IQCM: variants seen among roughly 807,000 people sequenced by gnomAD.
IQCM encodes the protein IQ domain-containing protein M.
A neutral mutation model predicts 57.6 loss-of-function variants in IQCM; 45 were observed. That is an observed-to-expected ratio of 0.78 (90% CI 0.62 to 1.00). The LOEUF (loss-of-function observed/expected upper bound fraction) is 1.00. Among genes scored for constraint, IQCM ranks in the 50% least tolerant of loss-of-function variants. The pLI is 0.00. For synonymous variants in IQCM, 148 were observed against 158.9 expected (o/e 0.93, Z 0.51); for missense variants, 468 against 511.6 (o/e 0.91, Z 0.82).
chr4:149,439,887 T>C (rs1735742064), intron 12 of IQCM, among the ~76,000 whole-genome samples: 1 of 151,870 alleles, frequency 6.6e-6, no homozygotes, highest in Non-Finnish European at 1.5e-5. Flanking sequence ...TTCACTTTGT[T>C]GGGAAGATAA....
At chr4:149,605,297 C>T (rs534828754) in intron 8 of IQCM, among the ~76,000 whole-genome samples, 8 of 152,162 alleles carry the variant, frequency 5.3e-5, no homozygotes, top group African/African-American at 1.4e-4. Context: ...TAAATTCATT[C>T]AAAAATACAC....
intron 12 of IQCM, among the ~76,000 whole-genome samples, chr4:149,508,951 T>A (rs1744120670): frequency 6.6e-6 from 1 of 152,172 alleles, no homozygotes; most frequent in African/African-American, 2.4e-5. Context: ...CGGATGGTTT[T>A]AAAAAGGGGA....
intron 12 of IQCM, among the ~76,000 whole-genome samples, chr4:149,514,205 G>T (rs1235700620): frequency 6.6e-6 from 1 of 152,134 alleles, no homozygotes; most frequent in Non-Finnish European, 1.5e-5. Flanking sequence ...TACTTGCTAG[G>T]GTTAGAGTCA....
intron 13 of IQCM, among the ~76,000 whole-genome samples, chr4:149,424,992 G>A (rs535554894): frequency 6.6e-6 from 1 of 152,022 alleles, no homozygotes; most frequent in South Asian, 2.1e-4. Flanking sequence ...TTGCTCTAGA[G>A]TTAGAATGAA....
chr4:149,481,705 T>TTTTTTTTTTTTTTTGTTTG (rs1579210811), intron 12 of IQCM, among the ~76,000 whole-genome samples: 1 of 133,150 alleles, frequency 7.5e-6, no homozygotes, highest in African/African-American at 2.8e-5. Flanking sequence ...AGTTTTGTTT[T>TTTTTTTTTTTTTTTGTTTG]TTTTTTTTTT....
At chr4:149,622,168 T>C (rs1464798206) in intron 7 of IQCM, among the ~76,000 whole-genome samples, 2 of 152,156 alleles carry the variant, frequency 1.3e-5, no homozygotes, top group African/African-American at 2.4e-5. Flanking sequence ...AAAAAGGTAA[T>C]GTTATCTCAG....
intron 13 of IQCM, among the ~76,000 whole-genome samples, chr4:149,384,393 A>C (rs1395394011): frequency 6.6e-6 from 1 of 152,104 alleles, no homozygotes; most frequent in Admixed American, 6.6e-5. Flanking sequence ...CCTTTTGTGA[A>C]GGTTTCCTGC....
chr4:149,725,681 T>C (rs1332937570), intron 5 of IQCM, among the ~76,000 whole-genome samples: 1 of 151,608 alleles, frequency 6.6e-6, no homozygotes, highest in Non-Finnish European at 1.5e-5. Flanking sequence ...AAGAGAAAAA[T>C]CCCCCAAAAG....
At chr4:149,423,190 A>G (rs1261285429) in intron 13 of IQCM, among the ~76,000 whole-genome samples, 1 of 152,056 alleles carries the variant, frequency 6.6e-6, no homozygotes, top group Admixed American at 6.6e-5. Context: ...ACAGTTCCAC[A>G]TGGCTGGGGA....
At chr4:149,458,706 G>A (rs901241925) in intron 12 of IQCM, among the ~76,000 whole-genome samples, 5 of 151,964 alleles carry the variant, frequency 3.3e-5, no homozygotes, top group East Asian at 1.9e-4. Flanking sequence ...TGTCTTAAAC[G>A]TTCTAAAAGC....
chr4:149,567,408 G>A (rs1750735364), intron 9 of IQCM, among the ~76,000 whole-genome samples: 1 of 151,884 alleles, frequency 6.6e-6, no homozygotes, highest in South Asian at 2.1e-4. Flanking sequence ...GTGCAGCAGT[G>A]CGATCTACTC....
intron 3 of IQCM, among the ~76,000 whole-genome samples, chr4:149,740,811 G>GCC (rs1224640623): frequency 2.0e-5 from 3 of 152,084 alleles, no homozygotes; most frequent in Non-Finnish European, 4.4e-5. Flanking sequence ...GAATAACAGT[G>GCC]CCTCTGTGGA....
At chr4:149,623,895 GA>G (rs1756566749) in intron 7 of IQCM, among the ~76,000 whole-genome samples, 1 of 152,092 alleles carries the variant, frequency 6.6e-6, no homozygotes, top group African/African-American at 2.4e-5. Flanking sequence ...GATTTGGAAA[GA>G]AACCAAAATG....
At chr4:149,374,058 A>G (rs1200516910) in intron 13 of IQCM, among the ~76,000 whole-genome samples, 2 of 152,164 alleles carry the variant, frequency 1.3e-5, no homozygotes, top group Non-Finnish European at 2.9e-5. Flanking sequence ...CGGCAGCAGC[A>G]ATGGCATCTT....
chr4:149,575,486 T>G (rs1475182490), intron 9 of IQCM, among the ~76,000 whole-genome samples: 1 of 151,840 alleles, frequency 6.6e-6, no homozygotes, highest in African/African-American at 2.4e-5. Context: ...TGGAAGATAA[T>G]GTCACTTTAA....
chr4:149,514,240 C>A (rs1468897822), intron 12 of IQCM, among the ~76,000 whole-genome samples: 1 of 152,056 alleles, frequency 6.6e-6, no homozygotes, highest in African/African-American at 2.4e-5. Context: ...AAATGATCTG[C>A]CCAAGTGATT....
intron 12 of IQCM, among the ~76,000 whole-genome samples, chr4:149,516,128 T>G (rs1175237660): frequency 2.0e-5 from 3 of 152,158 alleles, no homozygotes; most frequent in African/African-American, 4.8e-5. Flanking sequence ...TAGTGCCCAA[T>G]TTGCCAACAG....
In IQCM at chr4:149,808,265, C is replaced by T. The variant is rs183957295; in HGVS notation, c.-49+7046G>A. ...AATGAAATCCTGTCATTTGCAGCAA[C>T]GTGGATGGAAATGGAGGTCATTATG... On this transcript the variant is annotated intron_variant, in intron 2 of 13. Coordinates refer to ENST00000636793, the MANE Select transcript of IQCM (RefSeq NM_001363507.2). Among the ~76,000 whole-genome samples the T allele has an allele frequency of 2.5e-4, 38 of 151,970 alleles. No homozygotes were observed. The East Asian group carries it at 5.6e-3, about 22-fold the overall frequency.
At chr4:149,638,013 G>A (rs1757870421) in intron 7 of IQCM, among the ~76,000 whole-genome samples, 1 of 152,210 alleles carries the variant, frequency 6.6e-6, no homozygotes, top group Non-Finnish European at 1.5e-5. Context: ...GCAAGCTACA[G>A]ACTGTGAGTA....
Sources: allele counts gnomAD v4.1 joint callset (sites outside exome capture counted in the v4.1 genomes callset), GRCh38; gene constraint gnomAD v4.1.1; transcripts MANE v1.5; gene names NCBI Gene and HGNC (gene_info 2026-07-23, HGNC 2026-07-21).